Variants in FRMD4B observed in about 807,000 individuals in gnomAD.
FRMD4B encodes FERM domain-containing protein 4B.
In FRMD4B, 74 loss-of-function variants were observed where a neutral mutation model predicts 141.5. The observed-to-expected ratio is 0.52, with a 90% CI of 0.43 to 0.63. FRMD4B has a LOEUF of 0.63. Among genes scored for constraint, FRMD4B ranks in the 30% least tolerant of loss-of-function variants. The pLI, the probability that FRMD4B is intolerant of heterozygous loss-of-function variation, is 0.00. For synonymous variants in FRMD4B, 506 were observed against 467.9 expected (o/e 1.08, Z -1.05); for missense variants, 1,366 against 1,253.4 (o/e 1.09, Z -1.36).
intron 1 of FRMD4B, among the ~76,000 whole-genome samples, chr3:69,362,445 G>C (rs6783070): frequency 6.6e-6 from 1 of 151,904 alleles, no homozygotes; most frequent in Non-Finnish European, 1.5e-5. Context: ...AATATTTCTG[G>C]TTAAGACAAC....
intron 1 of FRMD4B, among the ~76,000 whole-genome samples, chr3:69,320,019 C>T (rs368415342): frequency 1.3e-5 from 2 of 152,138 alleles, no homozygotes; most frequent in South Asian, 2.1e-4. Flanking sequence ...GCATCTTAGA[C>T]GGTATCTATT....
At chr3:69,420,655 GA>G (rs1262641671) in intron 2 of FRMD4B, among the ~76,000 whole-genome samples, 7 of 152,200 alleles carry the variant, frequency 4.6e-5, no homozygotes, top group African/African-American at 1.7e-4. Flanking sequence ...TTAGGCACCT[GA>G]ACGGGACATG....
chr3:69,523,758 G>A (rs1700890222), intron 1 of FRMD4B, among the ~76,000 whole-genome samples: 1 of 152,122 alleles, frequency 6.6e-6, no homozygotes, highest in South Asian at 2.1e-4. Context: ...TGTCAGGCAG[G>A]CAACTAGTAG....
At chr3:69,317,885 A>T (rs1356768646) in intron 1 of FRMD4B, among the ~76,000 whole-genome samples, 1 of 151,848 alleles carries the variant, frequency 6.6e-6, no homozygotes, top group Non-Finnish European at 1.5e-5. Context: ...GATCCGGGTG[A>T]ATTTTTGTCC....
Position 69,169,353 on chromosome 3 carries a change from C to CTTCCT in FRMD4B, c.*2507_*2508insAGGAA, listed in dbSNP as rs1553691418. Among the ~76,000 whole-genome samples, 60 of 29,266 alleles carry CTTCCT rather than the reference C, an allele frequency of 2.1e-3. No individual in the cohort carries two copies. The highest frequency in any genetic ancestry group is 3.2e-3 in the African/African-American group (50 of 15,674). The allele number at this position is 29,266 out of a possible 152,430, so 19.2% of individuals were successfully genotyped here. On this transcript the variant is annotated 3_prime_UTR_variant, in exon 23 of 23. Coordinates refer to ENST00000398540, the MANE Select transcript of FRMD4B (RefSeq NM_015123.3). ...AGGATTGCTGAACTTCCATTTCTTT[C>CTTCCT]TTTTTTTTTTTTTTTTTTTTTTCTT...
intron 7 of FRMD4B, among the ~76,000 whole-genome samples, chr3:69,243,817 G>C (rs969417739): frequency 6.6e-6 from 1 of 152,128 alleles, no homozygotes; most frequent in East Asian, 1.9e-4. Flanking sequence ...AGGCCTAGAC[G>C]GGCAGATCAC....
chr3:69,344,516 C>T (rs1174820754), intron 1 of FRMD4B, among the ~76,000 whole-genome samples: 1 of 152,114 alleles, frequency 6.6e-6, no homozygotes, highest in Non-Finnish European at 1.5e-5. Flanking sequence ...TAGTCTAATC[C>T]CTTCACTCAT....
intron 5 of FRMD4B, among the ~76,000 whole-genome samples, chr3:69,278,399 A>G (rs529129093): frequency 6.6e-6 from 1 of 152,120 alleles, no homozygotes; most frequent in Non-Finnish European, 1.5e-5. Flanking sequence ...CCTGGGCTCA[A>G]GTGATCCTCC....
intron 2 of FRMD4B, among the ~76,000 whole-genome samples, chr3:69,429,684 G>T (rs1017450770): frequency 6.6e-6 from 1 of 151,324 alleles, no homozygotes; most frequent in Non-Finnish European, 1.5e-5. Flanking sequence ...AACGCGGGCA[G>T]AAGGGTGCTT....
intron 1 of FRMD4B, among the ~76,000 whole-genome samples, chr3:69,446,785 T>G (rs1705417147): frequency 6.6e-6 from 1 of 152,200 alleles, no homozygotes; most frequent in African/African-American, 2.4e-5. Flanking sequence ...ACAACTAGTT[T>G]AGAATCTCTG....
At chr3:69,514,686 T>TTAAATAAA (rs58643773) in intron 1 of FRMD4B, among the ~76,000 whole-genome samples, 8,781 of 143,046 alleles carry the variant, frequency 0.061, 288 homozygotes, top group South Asian at 0.096. Flanking sequence ...AGACTCCATC[T>TTAAATAAA]TAAATAAATA....
At chr3:69,529,144 C>T (rs560415565) in intron 1 of FRMD4B, among the ~76,000 whole-genome samples, 1 of 152,320 alleles carries the variant, frequency 6.6e-6, no homozygotes, top group African/African-American at 2.4e-5. Flanking sequence ...TAGTAATCAA[C>T]ACAGAACCCA....
intron 1 of FRMD4B, among the ~76,000 whole-genome samples, chr3:69,493,995 G>C (rs1706345458): frequency 6.6e-6 from 1 of 152,168 alleles, no homozygotes; most frequent in African/African-American, 2.4e-5. Context: ...TCTCACCTCA[G>C]CCTCTGGAGT....
At chr3:69,396,118 C>A (rs1704469403) in intron 2 of FRMD4B, among the ~76,000 whole-genome samples, 1 of 152,124 alleles carries the variant, frequency 6.6e-6, no homozygotes, top group Non-Finnish European at 1.5e-5. Flanking sequence ...TGCCAGTGTC[C>A]TTTTTCTATG....
chr3:69,315,649 G>A, intron 1 of FRMD4B, among the ~76,000 whole-genome samples: 1 of 152,150 alleles, frequency 6.6e-6, no homozygotes, highest in East Asian at 1.9e-4. Context: ...AGCACATATA[G>A]ATGGACCTCA....
At chr3:69,297,195 A>G (rs1701061590) in intron 4 of FRMD4B, among the ~76,000 whole-genome samples, 1 of 152,130 alleles carries the variant, frequency 6.6e-6, no homozygotes, top group Non-Finnish European at 1.5e-5. Flanking sequence ...TCCTCGAGTT[A>G]AGCTCTTTCT....
chr3:69,187,681 T>A (rs957362900), intron 19 of FRMD4B, 89 bp downstream of exon 19: 9 of 1,193,922 alleles, frequency 7.5e-6, no homozygotes, highest in Non-Finnish European at 1.1e-5. Context: ...AATAAAAACA[T>A]GTGAAAATGT....
At chr3:69,283,165 C>T (rs2093651847) in intron 5 of FRMD4B, among the ~76,000 whole-genome samples, 1 of 151,756 alleles carries the variant, frequency 6.6e-6, no homozygotes, top group Non-Finnish European at 1.5e-5. Flanking sequence ...GGGTGAATCA[C>T]TTGAGGTCAG....
chr3:69,294,317 T>C (rs1028594115), intron 4 of FRMD4B, among the ~76,000 whole-genome samples: 1 of 152,250 alleles, frequency 6.6e-6, no homozygotes, highest in African/African-American at 2.4e-5. Context: ...TTGCTTGTAA[T>C]GACCCTGCAA....
Sources: gnomAD v4.1 joint callset for allele counts (sites outside exome capture counted in the v4.1 genomes callset) on GRCh38, gnomAD v4.1.1 for gene constraint, MANE v1.5 for transcripts, NCBI Gene and HGNC (gene_info 2026-07-23, HGNC 2026-07-21) for gene names.